SLC13A3: variants seen among roughly 807,000 people sequenced by gnomAD.
SLC13A3 encodes Na(+)/dicarboxylate cotransporter 3.
Under a neutral mutation model 59.0 loss-of-function variants are expected in SLC13A3, and 40 were observed. The observed-to-expected ratio is 0.68, with a 90% CI of 0.53 to 0.88. The LOEUF (loss-of-function observed/expected upper bound fraction) is 0.88. Among genes scored for constraint, SLC13A3 ranks in the 40% least tolerant of loss-of-function variants. The pLI, the probability that SLC13A3 is intolerant of heterozygous loss-of-function variation, is 0.00. For missense variants in SLC13A3, 699 were observed against 783.2 expected, an observed-to-expected ratio of 0.89 and a Z score of 1.28; for synonymous variants, 317 against 330.3, an observed-to-expected ratio of 0.96 and a Z score of 0.44.
At chr20:46,674,078 G>C (rs2063108047), upstream of SLC13A3, among the ~76,000 whole-genome samples, 1 of 152,110 alleles carries the variant, frequency 6.6e-6, no homozygotes, top group Non-Finnish European at 1.5e-5. Context: ...GGTAGGCAGT[G>C]GGAGAGAGTA....
intron 9 of SLC13A3, among the ~76,000 whole-genome samples, chr20:46,579,237 C>T (rs1040378472): frequency 4.6e-5 from 7 of 152,094 alleles, no homozygotes; most frequent in African/African-American, 1.2e-4. Flanking sequence ...CCTCAATCTT[C>T]CTGCCTCAGC....
At position 46,560,041 on chromosome 20, in the gene SLC13A3, T is replaced by A; in HGVS notation, c.1790A>T (p.Asp597Val). ...GGGGACTCAGAGGGTCCGAAATGTG[T>A]CATTGGCCAAGGTGGGTGGCAATGC... is the stretch of plus-strand genomic sequence containing the variant. The part of the protein sequence containing the change: ...VTALPPTLAN[D>V]TFRTL Residue 597 changes from aspartate (D) to valine (V), a missense_variant, in exon 13 of 13, where the codon GAC becomes GTC. Asp to Val is a radical substitution (Grantham distance 152). Transcript: ENST00000279027. 1 of 1,614,090 alleles carries A rather than the reference T, an allele frequency of 6.2e-7. No individual in the cohort carries two copies. Among genetic ancestry groups the A allele is most frequent in the East Asian group, 2.2e-5 (1 of 44,888 alleles).
rs1601109853 is a variant in SLC13A3, at chr20:46,558,683, T to C, written c.*1339A>G. ...CAGGGAAATGCCCATGATTCACTTA[T>C]GCTGTATCAACAACAAGTGCAGCTG... is the stretch of plus-strand genomic sequence containing the variant. On this transcript the variant is annotated 3_prime_UTR_variant, in exon 13 of 13. Transcript: ENST00000279027. 6.6e-6 allele frequency: 1 copy of C among 152,206 alleles called. No homozygotes were observed. Among genetic ancestry groups the C allele is most frequent in the South Asian group, 2.1e-4 (1 of 4,834 alleles). 9.4% of individuals were successfully genotyped at this position (152,206 alleles called of 1,614,324 possible). A position where few individuals can be genotyped will look rare whatever the true frequency, so the allele number is the denominator to read the frequency against.
At chr20:46,651,248 G>A in intron 1 of SLC13A3, 63 bp downstream of exon 1, 1 of 1,420,338 alleles carries the variant, frequency 7.0e-7, no homozygotes, top group East Asian at 3.0e-5. Flanking sequence ...CCAACTTGGA[G>A]GCTTGGGAGA....
chr20:46,663,086 A>G (rs1215133720), intron 1 of SLC13A3, among the ~76,000 whole-genome samples: 1 of 152,140 alleles, frequency 6.6e-6, no homozygotes, highest in Non-Finnish European at 1.5e-5. Flanking sequence ...CAGAAGTTTG[A>G]TATCAGCCTG....
At chr20:46,600,354 G>A (rs1374686180) in intron 3 of SLC13A3, among the ~76,000 whole-genome samples, 2 of 134,674 alleles carry the variant, frequency 1.5e-5, no homozygotes, top group Middle Eastern at 5.3e-3. Context: ...GGAAAAGAAA[G>A]GAAAGGAAAG....
chr20:46,572,540 C>T (rs1202089435), intron 10 of SLC13A3, among the ~76,000 whole-genome samples: 1 of 152,062 alleles, frequency 6.6e-6, no homozygotes, highest in African/African-American at 2.4e-5. Flanking sequence ...CTCATCCAGC[C>T]TCCTTCCTCT....
Position 46,662,697 on chromosome 20 carries a change from C to T in SLC13A3, c.-31+7346G>A, listed in dbSNP as rs2063038587. Among the ~76,000 whole-genome samples the T allele has an allele frequency of 2.0e-5, 3 of 152,292 alleles. 1 individual carries two copies. In the South Asian group the frequency reaches 6.2e-4, roughly 32 times the overall value. On this transcript the variant is annotated intron_variant, in intron 1 of 12. Coordinates refer to the SLC13A3 transcript ENST00000290317. The stretch of plus-strand genomic sequence containing the variant: ...CCAAAATGTTCTGATGAGAAGTCAG[C>T]CAGTTGGTAACTCAGCTCCTATAGG...
chr20:46,598,849 T>C (rs963697034), intron 4 of SLC13A3, among the ~76,000 whole-genome samples: 2 of 150,956 alleles, frequency 1.3e-5, no homozygotes, highest in African/African-American at 4.9e-5. Context: ...TGCTCACTCA[T>C]TCACTCGGCT....
At chr20:46,665,421 A>G (rs1017489057) in intron 1 of SLC13A3, among the ~76,000 whole-genome samples, 3 of 152,172 alleles carry the variant, frequency 2.0e-5, no homozygotes, top group African/African-American at 7.2e-5. Context: ...CCCCAGTCCC[A>G]GGCAACTACT....
chr20:46,584,373 C>T, intron 8 of SLC13A3: 1 of 985,398 alleles, frequency 1.0e-6, no homozygotes, highest in Non-Finnish European at 1.2e-6. Flanking sequence ...CAGCATTGGA[C>T]ACAATTCAAT....
At chr20:46,653,713 T>C (rs1013682720), upstream of SLC13A3, among the ~76,000 whole-genome samples, 1 of 152,226 alleles carries the variant, frequency 6.6e-6, no homozygotes, top group African/African-American at 2.4e-5. Context: ...TCATGGAATA[T>C]TTATCCTTTT....
chr20:46,662,341 AT>A (rs1350722961), intron 1 of SLC13A3, among the ~76,000 whole-genome samples: 2 of 152,214 alleles, frequency 1.3e-5, no homozygotes, highest in Non-Finnish European at 2.9e-5. Flanking sequence ...TTCCAAAAAA[AT>A]AATAACAAAA....
At chr20:46,610,410 G>A (rs1204964982) in intron 3 of SLC13A3, 36 bp downstream of exon 3, 2 of 1,574,696 alleles carry the variant, frequency 1.3e-6, no homozygotes, top group East Asian at 2.3e-5. Flanking sequence ...TCCAAATCCT[G>A]GTGGATTTGG....
intron 8 of SLC13A3, 68 bp from the exon 9 acceptor site, chr20:46,583,737 T>C (rs1391120128): frequency 1.9e-5 from 30 of 1,591,338 alleles, no homozygotes; most frequent in Non-Finnish European, 2.4e-5. Flanking sequence ...GGCAGAATTG[T>C]AAAGGAGGAT....
chr20:46,635,671 T>TG (rs2062788748), intron 1 of SLC13A3, among the ~76,000 whole-genome samples: 1 of 152,134 alleles, frequency 6.6e-6, no homozygotes, highest in African/African-American at 2.4e-5. Context: ...GAACAGGAGC[T>TG]GGGGAGAATG....
At chr20:46,581,166 C>A (rs1320852852) in intron 9 of SLC13A3, among the ~76,000 whole-genome samples, 2 of 152,184 alleles carry the variant, frequency 1.3e-5, no homozygotes, top group African/African-American at 4.8e-5. Flanking sequence ...AAGCCAAGAA[C>A]CCTCCCAGAC....
Position 46,663,308 on chromosome 20 carries a change from G to T in SLC13A3, c.-31+6735C>A, listed in dbSNP as rs546203980. ...AAAAATTACAAAATTAGCAGGCCAT[G>T]GTGGTGCACGCCTGTAGTCTCAGCT... On this transcript the variant is annotated intron_variant, in intron 1 of 12. Coordinates refer to the SLC13A3 transcript ENST00000290317. Among the ~76,000 whole-genome samples the T allele has an allele frequency of 1.5e-4, 23 of 152,088 alleles. No individual in the cohort carries two copies. In the South Asian group the frequency reaches 4.6e-3, roughly 30 times the overall value.
intron 2 of SLC13A3, among the ~76,000 whole-genome samples, chr20:46,611,242 A>G (rs930106201): frequency 3.9e-5 from 6 of 152,202 alleles, no homozygotes; most frequent in African/African-American, 1.4e-4. Flanking sequence ...TGGGTTTCCT[A>G]TAGATTTATT....
Sources: gnomAD v4.1 joint callset for allele counts (sites outside exome capture counted in the v4.1 genomes callset) on GRCh38, gnomAD v4.1.1 for gene constraint, MANE v1.5 for transcripts, NCBI Gene and HGNC (gene_info 2026-07-23, HGNC 2026-07-21) for gene names.